The following CUL2 variants were observed in gnomAD, a reference collection of about 807,000 sequenced individuals.
The protein encoded by CUL2 is cullin 2.
CUL2 carries 22 observed loss-of-function variants against 110.2 expected under a neutral mutation model. The ratio of observed to expected loss-of-function variants is 0.20; its 90% CI spans 0.14 to 0.28. The LOEUF (loss-of-function observed/expected upper bound fraction) is 0.28, where lower values mean the gene tolerates loss of function less well. CUL2 is among the 10% of genes least tolerant of loss of function. The pLI is 1.00. For missense variants in CUL2, 631 were observed against 905.5 expected (o/e 0.70, Z 3.89); for synonymous variants, 279 against 293.2 (o/e 0.95, Z 0.49).
chr10:35,123,572 C>T (rs1169132223), intron 1 of CUL2, among the ~76,000 whole-genome samples: 1 of 152,122 alleles, frequency 6.6e-6, no homozygotes, highest in Non-Finnish European at 1.5e-5. Flanking sequence ...ATAGCAGGCA[C>T]TTCAAAATAT....
chr10:35,065,685 C>A (rs2086501474), intron 2 of CUL2, among the ~76,000 whole-genome samples: 1 of 151,374 alleles, frequency 6.6e-6, no homozygotes, highest in African/African-American at 2.4e-5. Context: ...CATGTTGAAA[C>A]CCTATCTCTA....
At chr10:35,064,390 TC>T (rs1357018176) in intron 2 of CUL2, among the ~76,000 whole-genome samples, 1 of 152,158 alleles carries the variant, frequency 6.6e-6, no homozygotes, top group Non-Finnish European at 1.5e-5. Flanking sequence ...CTCCTCTATG[TC>T]CCCCCGACAC....
intron 5 of CUL2, 138 bp downstream of exon 5, chr10:35,054,296 G>C (rs2086189572): frequency 1.8e-6 from 1 of 544,488 alleles, no homozygotes; most frequent in African/African-American, 2.0e-5. Flanking sequence ...AATCACTATA[G>C]CATTTTATTT....
chr10:35,085,622 T>C (rs767333021), intron 1 of CUL2, among the ~76,000 whole-genome samples: 1 of 145,308 alleles, frequency 6.9e-6, no homozygotes, highest in Non-Finnish European at 1.5e-5. Context: ...CAGGCGCCTG[T>C]AGTCCCAGCT....
intron 6 of CUL2, 100 bp downstream of exon 6, chr10:35,049,583 G>T: frequency 1.1e-6 from 1 of 885,642 alleles, no homozygotes; most frequent in Non-Finnish European, 1.7e-6. Flanking sequence ...AGTAAAACCA[G>T]CCCCAAGGCT....
intron 18 of CUL2, among the ~76,000 whole-genome samples, 176 bp from the exon 19 acceptor site, chr10:35,013,976 G>T (rs1253336314): frequency 6.6e-6 from 1 of 152,046 alleles, no homozygotes; most frequent in Non-Finnish European, 1.5e-5. Flanking sequence ...AAACAAACAG[G>T]AAAAAACCCA....
intron 17 of CUL2, among the ~76,000 whole-genome samples, chr10:35,021,034 G>A (rs1165698241): frequency 6.7e-6 from 1 of 148,248 alleles, no homozygotes; most frequent in African/African-American, 2.5e-5. Context: ...CTGGGCTCAA[G>A]TGATACTCCT....
At chr10:35,040,955 C>G (rs1485285941) in intron 8 of CUL2, among the ~76,000 whole-genome samples, 1 of 152,148 alleles carries the variant, frequency 6.6e-6, no homozygotes, top group Non-Finnish European at 1.5e-5. Flanking sequence ...CTGCTCACTC[C>G]CTGCTGTGCA....
At chr10:35,063,419 A>G (rs1156629596) in intron 2 of CUL2, among the ~76,000 whole-genome samples, 1 of 152,230 alleles carries the variant, frequency 6.6e-6, no homozygotes, top group African/African-American at 2.4e-5. Context: ...AATAGTATCA[A>G]TGATATTAGT....
chr10:35,054,369 C>A, intron 5 of CUL2, 65 bp downstream of exon 5: 1 of 838,792 alleles, frequency 1.2e-6, no homozygotes. Flanking sequence ...AAATGATGTG[C>A]AATCAAATTA....
intron 14 of CUL2, among the ~76,000 whole-genome samples, chr10:35,030,992 G>A (rs2085468098): frequency 6.6e-6 from 1 of 152,196 alleles, no homozygotes; most frequent in East Asian, 1.9e-4. Context: ...AAGCTGAAAT[G>A]ATGTAAAAAT....
At chr10:35,030,593 G>C (rs2085455939) in intron 14 of CUL2, among the ~76,000 whole-genome samples, 1 of 152,122 alleles carries the variant, frequency 6.6e-6, no homozygotes, top group African/African-American at 2.4e-5. Flanking sequence ...ATGTTTCCCA[G>C]GCTGGTCTTG....
intron 1 of CUL2, among the ~76,000 whole-genome samples, chr10:35,113,029 T>C (rs1008328928): frequency 1.4e-4 from 21 of 151,174 alleles, no homozygotes; most frequent in African/African-American, 5.1e-4. Context: ...CAGTCTCTAC[T>C]AAAAATACAA....
intron 1 of CUL2, among the ~76,000 whole-genome samples, chr10:35,102,151 A>C (rs1564753520): frequency 6.6e-6 from 1 of 152,120 alleles, no homozygotes; most frequent in Non-Finnish European, 1.5e-5. Flanking sequence ...GAGGCAGGAG[A>C]ATCGCTTGAA....
chr10:35,047,164 C>T (rs2085964392), intron 6 of CUL2, among the ~76,000 whole-genome samples: 1 of 152,058 alleles, frequency 6.6e-6, no homozygotes, highest in South Asian at 2.1e-4. Flanking sequence ...ACCTAGAAAA[C>T]AATTTTAAAT....
intron 1 of CUL2, among the ~76,000 whole-genome samples, chr10:35,111,466 C>T (rs916970567): frequency 6.6e-6 from 1 of 151,972 alleles, no homozygotes; most frequent in Non-Finnish European, 1.5e-5. Flanking sequence ...ACTATGTTGC[C>T]CAGGCTGGTC....
At chr10:35,050,150 GTC>G (rs1353224682) in intron 5 of CUL2, among the ~76,000 whole-genome samples, 1 of 151,860 alleles carries the variant, frequency 6.6e-6, no homozygotes, top group African/African-American at 2.4e-5. Flanking sequence ...GCAAAACCCT[GTC>G]TCTACTAAAA....
At chr10:35,078,683 A>G (rs1384611337) in intron 1 of CUL2, among the ~76,000 whole-genome samples, 1 of 152,238 alleles carries the variant, frequency 6.6e-6, no homozygotes, top group Non-Finnish European at 1.5e-5. Context: ...TCAGCAGGTA[A>G]AAGTTACAGT....
chr10:35,058,866 A>C (rs893790363), intron 4 of CUL2, among the ~76,000 whole-genome samples: 3 of 152,166 alleles, frequency 2.0e-5, no homozygotes, highest in African/African-American at 7.2e-5. Context: ...CTAGCTCAAT[A>C]AACCTTGATT....
Sources: gnomAD v4.1 joint callset for allele counts (sites outside exome capture counted in the v4.1 genomes callset) on GRCh38, gnomAD v4.1.1 for gene constraint, MANE v1.5 for transcripts, NCBI Gene and HGNC (gene_info 2026-07-23, HGNC 2026-07-21) for gene names.